The following CNTN1 variants were observed in gnomAD, a reference collection of about 807,000 sequenced individuals.
CNTN1 encodes the protein contactin 1, also known as contactin-1.
In CNTN1, 38 loss-of-function variants were observed where a neutral mutation model predicts 126.4. That is an observed-to-expected ratio of 0.30 (90% CI 0.23 to 0.39). CNTN1 has a LOEUF of 0.39. CNTN1 is among the 10% of genes least tolerant of loss of function. The pLI is 1.00. For synonymous variants in CNTN1, 413 were observed against 422.6 expected (o/e 0.98, Z 0.28); for missense variants, 1,009 against 1,248.4 (o/e 0.81, Z 2.89).
At chr12:40,858,825 C>T (rs111864833) in intron 1 of CNTN1, among the ~76,000 whole-genome samples, 8,782 of 152,040 alleles carry the variant, frequency 0.058, 514 homozygotes, top group Admixed American at 0.16. Flanking sequence ...ATGTCCTTTG[C>T]GGGGACATGG....
At chr12:41,060,181 C>T (rs1949909605) in intron 23 of CNTN1, among the ~76,000 whole-genome samples, 1 of 152,116 alleles carries the variant, frequency 6.6e-6, no homozygotes, top group Admixed American at 6.6e-5. Flanking sequence ...CAGCCAGTCT[C>T]CACAAAAAAA....
chr12:41,003,389 A>C (rs1329941068), intron 17 of CNTN1, among the ~76,000 whole-genome samples: 1 of 151,806 alleles, frequency 6.6e-6, no homozygotes, highest in Non-Finnish European at 1.5e-5. Context: ...TTCATCAAGG[A>C]TATTGGCCTG....
chr12:40,870,632 C>A (rs1350898044), intron 1 of CNTN1, among the ~76,000 whole-genome samples: 1 of 152,070 alleles, frequency 6.6e-6, no homozygotes, highest in East Asian at 1.9e-4. Flanking sequence ...CACCTGCTAA[C>A]ATAGATGCTA....
intron 1 of CNTN1, chr12:40,828,313 G>A (rs1565793400): frequency 6.6e-6 from 1 of 151,920 alleles, no homozygotes; most frequent in East Asian, 1.9e-4. Flanking sequence ...TAAGTCCAAG[G>A]TTTTTTTTAT....
At chr12:41,015,520 C>T (rs917518853) in intron 18 of CNTN1, among the ~76,000 whole-genome samples, 1 of 152,086 alleles carries the variant, frequency 6.6e-6, no homozygotes, top group African/African-American at 2.4e-5. Context: ...AATGTTTAAA[C>T]TATTGTAGAA....
intron 23 of CNTN1, among the ~76,000 whole-genome samples, chr12:41,067,191 G>A (rs1330366137): frequency 6.6e-6 from 1 of 152,166 alleles, no homozygotes; most frequent in Non-Finnish European, 1.5e-5. Flanking sequence ...AATTACATAA[G>A]CTTGAGCCAT....
intron 1 of CNTN1, among the ~76,000 whole-genome samples, chr12:40,813,735 G>A (rs1941168816): frequency 6.6e-6 from 1 of 152,138 alleles, no homozygotes; most frequent in African/African-American, 2.4e-5. Flanking sequence ...GGGTCAAATG[G>A]TATTTCTGGT....
intron 23 of CNTN1, among the ~76,000 whole-genome samples, chr12:41,064,769 CTAGATAGATAGATAGA>C (rs59729389): frequency 6.6e-6 from 1 of 150,600 alleles, no homozygotes; most frequent in Non-Finnish European, 1.5e-5. Flanking sequence ...TGCTACCTCT[CTAGATAGATAGATAGA>C]TAGATAGATA....
chr12:40,770,965 A>G (rs931941908), intron 1 of CNTN1, among the ~76,000 whole-genome samples: 1 of 152,110 alleles, frequency 6.6e-6, no homozygotes. Flanking sequence ...TAGTGTTTCA[A>G]TTTTAATTCA....
intron 15 of CNTN1, chr12:40,971,671 C>A: frequency 7.7e-6 from 11 of 1,434,484 alleles, no homozygotes; most frequent in Non-Finnish European, 7.2e-6. Flanking sequence ...ATACTTTGGG[C>A]ATAAATATTT....
chr12:40,933,659 G>C (rs1236736009), intron 8 of CNTN1, 38 bp from the exon 9 acceptor site: 2 of 1,591,428 alleles, frequency 1.3e-6, no homozygotes, highest in Non-Finnish European at 1.7e-6. Flanking sequence ...TGTCTTTTAA[G>C]TGTGTGAAAC....
At chr12:40,794,197 G>A (rs774562239) in intron 1 of CNTN1, among the ~76,000 whole-genome samples, 5 of 152,074 alleles carry the variant, frequency 3.3e-5, no homozygotes, top group Non-Finnish European at 5.9e-5. Context: ...ATGCCTGTAA[G>A]AGACAGCAAC....
At chr12:40,808,611 T>A (rs1940947531) in intron 1 of CNTN1, among the ~76,000 whole-genome samples, 1 of 152,210 alleles carries the variant, frequency 6.6e-6, no homozygotes, top group Non-Finnish European at 1.5e-5. Context: ...GACTGTGATT[T>A]TTTTAAACAA....
At chr12:40,717,895 A>G (rs1032157146) in intron 1 of CNTN1, among the ~76,000 whole-genome samples, 1 of 152,336 alleles carries the variant, frequency 6.6e-6, no homozygotes, top group Non-Finnish European at 1.5e-5. Flanking sequence ...GTGAGCTTTG[A>G]AGTTACTAAG....
At chr12:40,829,887 G>A (rs766269237) in intron 1 of CNTN1, among the ~76,000 whole-genome samples, 3 of 152,064 alleles carry the variant, frequency 2.0e-5, no homozygotes, top group Non-Finnish European at 4.4e-5. Context: ...ATGGAGGGGG[G>A]CAGAAACTTA....
intron 1 of CNTN1, among the ~76,000 whole-genome samples, chr12:40,873,120 A>C (rs1365662932): frequency 6.6e-6 from 1 of 152,168 alleles, no homozygotes; most frequent in Non-Finnish European, 1.5e-5. Flanking sequence ...ATGTGACTAA[A>C]TTCTTACAGA....
intron 16 of CNTN1, among the ~76,000 whole-genome samples, chr12:40,992,159 C>T (rs1948110133): frequency 6.6e-6 from 1 of 152,014 alleles, no homozygotes; most frequent in Non-Finnish European, 1.5e-5. Flanking sequence ...AATTAGATGG[C>T]AAAAGTAGTG....
intron 1 of CNTN1, among the ~76,000 whole-genome samples, chr12:40,718,209 G>A (rs187189027): frequency 5.3e-5 from 8 of 151,992 alleles, no homozygotes; most frequent in African/African-American, 1.2e-4. Context: ...TTGCTCTGTC[G>A]CCAGGCTGGA....
At chr12:40,916,284 AAAC>A (rs1388086775) in intron 3 of CNTN1, among the ~76,000 whole-genome samples, 1 of 152,120 alleles carries the variant, frequency 6.6e-6, no homozygotes, top group African/African-American at 2.4e-5. Context: ...CATTGAGAAG[AAAC>A]AACAAGATCT....
Sources: gnomAD v4.1 joint callset for allele counts (sites outside exome capture counted in the v4.1 genomes callset) on GRCh38, gnomAD v4.1.1 for gene constraint, MANE v1.5 for transcripts, NCBI Gene and HGNC (gene_info 2026-07-23, HGNC 2026-07-21) for gene names.